The following STARD9 variants were observed in gnomAD, a reference collection of about 807,000 sequenced individuals.
The protein encoded by STARD9 is stAR-related lipid transfer protein 9.
In STARD9, 346 loss-of-function variants were observed where a neutral mutation model predicts 399.8. The observed-to-expected ratio is 0.87, with a 90% CI of 0.79 to 0.95. STARD9 has a LOEUF of 0.95. Ranked by LOEUF, STARD9 falls within the 40% of genes least tolerant of loss-of-function variation. STARD9 has a pLI of 0.00. For missense variants in STARD9, 5,832 were observed against 5,667.5 expected (o/e 1.03, Z -0.93); for synonymous variants, 2,203 against 2,143.5 (o/e 1.03, Z -0.77).
chr15:42,689,296 C>T lies in STARD9; in HGVS notation c.7718C>T (p.Thr2573Ile), dbSNP rs1401540366. 3.9e-6 allele frequency: 6 copies of T among 1,537,250 alleles called. No individual in the cohort carries two copies. Among genetic ancestry groups the T allele is most frequent in the Non-Finnish European group, 5.2e-6 (6 of 1,146,906 alleles). The change falls in exon 23 of 33, where the codon ACA (threonine) becomes ATA (isoleucine). Residue 2573 changes from threonine to isoleucine, a missense_variant. Around this residue, in one of 2 missense-constraint regions of STARD9, gnomAD observed 5,828 missense variants for 5,651.1 expected, o/e 1.03. Coordinates refer to ENST00000290607, the MANE Select transcript of STARD9 (RefSeq NM_020759.3). Reference protein sequence around the residue: ...KQLHDFVARGTVLSYCETLLE... With the variant: ...KQLHDFVARGIVLSYCETLLE... Reference sequence around the variant, plus strand: ...CTTCATGACTTTGTGGCCAGGGGCACAGTCCTTTCTTACTGTGAAACTTTA... The same window carrying T: ...CTTCATGACTTTGTGGCCAGGGGCATAGTCCTTTCTTACTGTGAAACTTTA...
chr15:42,708,970 A>G (rs2061149870), intron 26 of STARD9, among the ~76,000 whole-genome samples: 2 of 152,128 alleles, frequency 1.3e-5, no homozygotes, highest in African/African-American at 2.4e-5. Flanking sequence ...GTCTCATGCA[A>G]TACCTTATTC....
At chr15:42,618,252 C>T (rs534213169) in intron 3 of STARD9, among the ~76,000 whole-genome samples, 1 of 152,072 alleles carries the variant, frequency 6.6e-6, no homozygotes, top group Non-Finnish European at 1.5e-5. Context: ...CTTGCCTCAG[C>T]CTCCTGAGTA....
Position 42,689,095 on chromosome 15 carries a change from A to G in STARD9, c.7517A>G (p.Gln2506Arg). 2.0e-6 allele frequency: 3 copies of G among 1,537,336 alleles called. No individual in the cohort carries two copies. The highest frequency in any genetic ancestry group is 1.7e-6 in the Non-Finnish European group (2 of 1,146,928). The change falls in exon 23 of 33, where the codon CAG becomes CGG. Residue 2506 changes from glutamine to arginine, a missense_variant. Gln to Arg is a conservative substitution (Grantham distance 43, BLOSUM62 1). Transcript: ENST00000290607. ...EDSDQASKPR[Q>R]KAEKETEDVG... The stretch of plus-strand genomic sequence containing the variant: ...AGTGACCAAGCCAGCAAGCCAAGGC[A>G]GAAGGCAGAGAAGGAGACTGAGGAC...
chr15:42,665,472 CAG>C lies in STARD9; in HGVS notation c.1254+146_1254+147del, dbSNP rs1279501045. ...GGCAGAGACAGGAGCAAAGACAAAA[CAG>C]AGATTTCTCTGATTTCTCAGTGTAG... On this transcript the variant is annotated intron_variant, in intron 14 of 32. Coordinates refer to ENST00000290607, the MANE Select transcript of STARD9 (RefSeq NM_020759.3). 11 of 710,872 alleles carry C rather than the reference CAG, an allele frequency of 1.5e-5. No individual in the cohort carries two copies. The East Asian group carries it at 2.4e-4, about 16-fold the overall frequency. The allele number at this position is 710,872 out of a possible 1,614,324, so 44.0% of individuals were successfully genotyped here.
Position 42,688,024 on chromosome 15 carries a change from C to T in STARD9, c.6446C>T (p.Pro2149Leu). The T allele has an allele frequency of 2.0e-6, 3 of 1,537,506 alleles. No individual in the cohort carries two copies. The highest frequency in any genetic ancestry group is 2.6e-6 in the Non-Finnish European group (3 of 1,146,970). ...CATCCCCAGGTCCAGAAAATCACCCCAAACCCCTTCAGGTCAAGGGAAGGT... is the reference window on the plus strand; with the variant it reads ...CATCCCCAGGTCCAGAAAATCACCCTAAACCCCTTCAGGTCAAGGGAAGGT... ...GNHPQVQKITPNPFRSREGVR... is the reference protein window; with the variant it reads ...GNHPQVQKITLNPFRSREGVR... The change falls in exon 23 of 33, where the codon CCA (proline) becomes CTA (leucine). Residue 2149 changes from proline to leucine, a missense_variant. Transcript: ENST00000290607.
Position 42,688,330 on chromosome 15 carries a change from G to A in STARD9, c.6752G>A (p.Gly2251Asp), listed in dbSNP as rs990521144. The change falls in exon 23 of 33, where the codon GGT (glycine) becomes GAT (aspartate). Residue 2251 changes from glycine (G) to aspartate (D), a missense_variant. By Grantham distance (94) the Gly-to-Asp change is moderately conservative. This residue lies in a region of STARD9 where 5,828 missense variants were observed against 5,651.1 expected (regional missense o/e 1.03). Coordinates refer to ENST00000290607, the MANE Select transcript of STARD9 (RefSeq NM_020759.3). ...CTTGAGGAATTGGAGACTGTGAAAG[G>A]TTTTCAGGAAAGCCAAGTAGCTGAA... is the stretch of plus-strand genomic sequence containing the variant. Reference protein sequence around the residue: ...GSLEELETVKGFQESQVAEHV... With the variant: ...GSLEELETVKDFQESQVAEHV... 1.6e-5 allele frequency: 24 copies of A among 1,537,268 alleles called. No homozygotes were observed. The highest frequency in any genetic ancestry group is 1.9e-5 in the Non-Finnish European group (22 of 1,146,970).
intron 26 of STARD9, among the ~76,000 whole-genome samples, chr15:42,715,463 T>C (rs1329757247): frequency 6.6e-6 from 1 of 151,966 alleles, no homozygotes; most frequent in Non-Finnish European, 1.5e-5. Context: ...GGAGGATCAC[T>C]TGAGCCCAGG....
At chr15:42,717,845 C>T in intron 29 of STARD9, 50 bp downstream of exon 29, 1 of 1,522,836 alleles carries the variant, frequency 6.6e-7, no homozygotes, top group Non-Finnish European at 8.8e-7. Context: ...GTAAGCTTGT[C>T]ACCCTGCTTG....
chr15:42,697,634 A>G (rs970152471), intron 26 of STARD9, among the ~76,000 whole-genome samples: 4 of 152,202 alleles, frequency 2.6e-5, no homozygotes, highest in African/African-American at 9.7e-5. Context: ...CATGTGACAC[A>G]TTGAGTTGAA....
Position 42,593,723 on chromosome 15 carries a change from G to A in STARD9, c.234+8086G>A, listed in dbSNP as rs552070555. Reference sequence around the variant, plus strand: ...CTGTTGCCCAGGCTGGAGTGCAGTGGTACAATCTCGGCTCACTGCAAGCTC... The same window carrying A: ...CTGTTGCCCAGGCTGGAGTGCAGTGATACAATCTCGGCTCACTGCAAGCTC... On this transcript the variant is annotated intron_variant, in intron 3 of 32. Transcript: ENST00000290607. 9.4e-4 allele frequency among the ~76,000 whole-genome samples: 129 copies of A among 137,574 alleles called. 1 individual carries two copies. The highest frequency in any genetic ancestry group is 3.4e-3 in the African/African-American group (127 of 36,938). The allele number at this position is 137,574 out of a possible 152,430, so 90.3% of individuals were successfully genotyped here.
intron 26 of STARD9, among the ~76,000 whole-genome samples, chr15:42,698,504 C>G (rs1188305148): frequency 2.0e-5 from 3 of 152,096 alleles, no homozygotes; most frequent in African/African-American, 7.2e-5. Flanking sequence ...GCTCTTTTCT[C>G]TTTTTCTCTT....
chr15:42,679,992 A>G (rs1244867901), intron 20 of STARD9, among the ~76,000 whole-genome samples: 2 of 152,158 alleles, frequency 1.3e-5, no homozygotes, highest in Non-Finnish European at 2.9e-5. Context: ...CTTCCAAGTC[A>G]TGACATCCTG....
chr15:42,616,890 CAAAAA>C (rs565991513), intron 3 of STARD9, among the ~76,000 whole-genome samples: 1 of 57,162 alleles, frequency 1.7e-5, no homozygotes, highest in Non-Finnish European at 4.2e-5. Flanking sequence ...GACTTCCTCT[CAAAAA>C]AAAAAAAAAA....
chr15:42,592,663 C>T (rs1014525549), intron 3 of STARD9, among the ~76,000 whole-genome samples: 3 of 152,074 alleles, frequency 2.0e-5, no homozygotes, highest in Non-Finnish European at 2.9e-5. Context: ...AGGCTCGTCT[C>T]GAACTCCGGA....
At position 42,690,635 on chromosome 15, in the gene STARD9, G is replaced by A. The variant is rs1037101655; in HGVS notation, c.9057G>A (p.Val3019=). Residue 3019 remains valine (V), a synonymous_variant, in exon 23 of 33, where the codon GTG becomes GTA. Coordinates refer to ENST00000290607, the MANE Select transcript of STARD9 (RefSeq NM_020759.3). ...ETGEISRGPD[V]HLTHGLEPKD... is the part of the protein sequence containing the mutation. ...GAGAGATCTCTAGGGGACCTGATGT[G>A]CACTTGACACATGGCCTTGAGCCCA... is the stretch of plus-strand genomic sequence containing the variant. The A allele has an allele frequency of 3.9e-6, 6 of 1,537,142 alleles. No individual in the cohort carries two copies. In the African/African-American group the frequency reaches 8.2e-5, roughly 21 times the overall value.
In STARD9 at chr15:42,688,665, G is replaced by T. The variant is rs1318586745; in HGVS notation, c.7087G>T (p.Asp2363Tyr). The T allele has an allele frequency of 1.3e-6, 2 of 1,537,580 alleles. No individual in the cohort carries two copies. The highest frequency in any genetic ancestry group is 1.7e-4 in the Middle Eastern group (1 of 5,992). Reference protein sequence around the residue: ...LGISSLDCVLDLTMLKIHNSP... With the variant: ...LGISSLDCVLYLTMLKIHNSP... ...CATCTCTTCACTTGACTGTGTGCTG[G>T]ATCTCACAATGTTGAAAATTCATAA... The change falls in exon 23 of 33, where the codon GAT becomes TAT. Residue 2363 changes from aspartate (D) to tyrosine (Y), a missense_variant. By Grantham distance (160) the Asp-to-Tyr change is radical. Transcript: ENST00000290607.
At chr15:42,713,727 G>A (rs556139522) in intron 26 of STARD9, among the ~76,000 whole-genome samples, 1 of 152,230 alleles carries the variant, frequency 6.6e-6, no homozygotes, top group South Asian at 2.1e-4. Flanking sequence ...CTGTGTTTCT[G>A]TGATAAATCC....
At position 42,639,963 on chromosome 15, in the gene STARD9, C is replaced by T. The variant is rs148636761; in HGVS notation, c.559+1151C>T. On this transcript the variant is annotated intron_variant, in intron 7 of 32. Coordinates refer to ENST00000290607, the MANE Select transcript of STARD9 (RefSeq NM_020759.3). Reference sequence around the variant, plus strand: ...TTAGCCACAAGGTCTTATTCTGTCACCCAAGCTGGAATGCAGTGATGCAAA... The same window carrying T: ...TTAGCCACAAGGTCTTATTCTGTCATCCAAGCTGGAATGCAGTGATGCAAA... Among the ~76,000 whole-genome samples, 24 of 152,242 alleles carry T rather than the reference C, an allele frequency of 1.6e-4. No individual in the cohort carries two copies. The East Asian group carries it at 4.6e-3, about 29-fold the overall frequency.
intron 3 of STARD9, among the ~76,000 whole-genome samples, chr15:42,593,337 T>G (rs969863594): frequency 6.6e-6 from 1 of 152,154 alleles, no homozygotes; most frequent in African/African-American, 2.4e-5. Context: ...TGACTGTGTG[T>G]TTGTAAAACT....
Sources: allele counts gnomAD v4.1 joint callset (sites outside exome capture counted in the v4.1 genomes callset), GRCh38; gene constraint gnomAD v4.1.1; regional missense constraint gnomAD v4.1.1; transcripts MANE v1.5; gene names NCBI Gene and HGNC (gene_info 2026-07-23, HGNC 2026-07-21).